GPATCH8: variants seen among roughly 807,000 people sequenced by gnomAD.
GPATCH8 encodes the protein G patch domain-containing protein 8.
A neutral mutation model predicts 118.3 loss-of-function variants in GPATCH8; 18 were observed. The ratio of observed to expected loss-of-function variants is 0.15; its 90% confidence interval spans 0.11 to 0.23. The LOEUF (loss-of-function observed/expected upper bound fraction) is 0.23. Ranked by LOEUF, GPATCH8 falls within the 10% of genes least tolerant of loss-of-function variation. The pLI, the probability that GPATCH8 is intolerant of heterozygous loss-of-function variation, is 1.00. For synonymous variants in GPATCH8, 659 were observed against 684.7 expected (o/e 0.96, Z 0.59); for missense variants, 1,631 against 1,873.8 (o/e 0.87, Z 2.39).
chr17:44,501,919 AAT>A (rs1012013635), intron 1 of GPATCH8, among the ~76,000 whole-genome samples: 3 of 151,738 alleles, frequency 2.0e-5, no homozygotes, highest in Admixed American at 6.6e-5. Flanking sequence ...AGTGCTTGCT[AAT>A]ATATATATAT....
In GPATCH8 at chr17:44,437,575, CAT is replaced by C. The variant is rs548251587; in HGVS notation, c.194-1032_194-1031del. Among the ~76,000 whole-genome samples the C allele has an allele frequency of 1.1e-3, 168 of 151,850 alleles. 1 individual carries two copies. The highest frequency in any genetic ancestry group is 3.4e-3 in the Middle Eastern group (1 of 294). On this transcript the variant is annotated intron_variant, in intron 3 of 7. Coordinates refer to ENST00000591680, the MANE Select transcript of GPATCH8 (RefSeq NM_001002909.4). ...TTGTTGTTGTTGTTATACACACACA[CAT>C]ATATATATACATATATTATACCTTT...
chr17:44,453,734 G>A (rs1411147591), intron 3 of GPATCH8, among the ~76,000 whole-genome samples: 2 of 152,012 alleles, frequency 1.3e-5, no homozygotes, highest in South Asian at 2.1e-4. Flanking sequence ...GTCTCACTAT[G>A]TTGCCCAGGC....
intron 1 of GPATCH8, among the ~76,000 whole-genome samples, chr17:44,476,539 T>A (rs770697909): frequency 1.1e-4 from 17 of 152,190 alleles, no homozygotes; most frequent in Admixed American, 2.6e-4. Flanking sequence ...TTGCATTAAA[T>A]CTTTAATAAT....
intron 2 of GPATCH8, among the ~76,000 whole-genome samples, chr17:44,468,373 CTTTTTTTTTTTTTT>C (rs869068538): frequency 5.0e-5 from 5 of 100,010 alleles, no homozygotes; most frequent in East Asian, 3.0e-4. Context: ...TTCTTTGTTC[CTTTTTTTTTTTTTT>C]TTTTTTTTTT....
chr17:44,419,368 T>G (rs1222037776), intron 6 of GPATCH8, among the ~76,000 whole-genome samples: 2 of 152,220 alleles, frequency 1.3e-5, no homozygotes, highest in African/African-American at 2.4e-5. Context: ...GGAAAAATGG[T>G]AGGTCCATTT....
intron 2 of GPATCH8, chr17:44,465,912 C>CTGTT (rs931037790): frequency 5.9e-5 from 9 of 152,162 alleles, no homozygotes; most frequent in African/African-American, 1.4e-4. Context: ...CCCGAATGCT[C>CTGTT]TGTTTGTTTG....
chr17:44,428,327 T>C (rs1037006246), intron 5 of GPATCH8, among the ~76,000 whole-genome samples: 4 of 151,672 alleles, frequency 2.6e-5, no homozygotes, highest in Non-Finnish European at 5.9e-5. Context: ...ACCCTGTCTC[T>C]ACTAAAAATA....
At chr17:44,437,972 T>C (rs1447253970) in intron 3 of GPATCH8, among the ~76,000 whole-genome samples, 2 of 147,928 alleles carry the variant, frequency 1.4e-5, no homozygotes, top group African/African-American at 5.1e-5. Flanking sequence ...AAACAACAAC[T>C]TCTAGAATAC....
Position 44,424,355 on chromosome 17 carries a change from G to A in GPATCH8, c.486C>T (p.His162=), listed in dbSNP as rs760139146. ...GCAAGTAACTACAACTCACCTGCTT[G>A]TGTGCATGATCATAGGAGTTGATAT... The part of the protein sequence containing the change: ...DNHINSYDHA[H]KQRLKDLKQR... Residue 162 remains histidine, a synonymous_variant, in exon 6 of 8, where the codon CAC becomes CAT. Coordinates refer to ENST00000591680, the MANE Select transcript of GPATCH8 (RefSeq NM_001002909.4). The A allele has an allele frequency of 1.9e-6, 3 of 1,595,642 alleles. No individual in the cohort carries two copies. In the African/African-American group the frequency reaches 4.0e-5, roughly 21 times the overall value.
chr17:44,482,596 A>C (rs921579672), intron 1 of GPATCH8, among the ~76,000 whole-genome samples: 10 of 151,400 alleles, frequency 6.6e-5, no homozygotes, highest in African/African-American at 2.4e-4. Context: ...AAAAAAACCA[A>C]ACCAAACCTA....
In GPATCH8 at chr17:44,436,542, C is replaced by T; in HGVS notation, c.197G>A (p.Arg66Lys). 6.9e-7 allele frequency: 1 copy of T among 1,450,644 alleles called. No homozygotes were observed. The highest frequency in any genetic ancestry group is 9.7e-7 in the Non-Finnish European group (1 of 1,030,616). 89.9% of individuals were successfully genotyped at this position (1,450,644 alleles called of 1,614,324 possible). A position where few individuals can be genotyped will look rare whatever the true frequency, so the allele number is the denominator to read the frequency against. Reference sequence around the variant, plus strand: ...GACAACGATTGGAATGGGATCTGTTCTCCCTGTAACAGGAACACATAATCA... The same window carrying T: ...GACAACGATTGGAATGGGATCTGTTTTCCCTGTAACAGGAACACATAATCA... The part of the protein sequence containing the change: ...GQGLGKSLQG[R>K]TDPIPIVVKY... The change falls in exon 4 of 8, where the codon AGA becomes AAA. Residue 66 changes from arginine (R) to lysine (K), a missense_variant. Coordinates refer to ENST00000591680, the MANE Select transcript of GPATCH8 (RefSeq NM_001002909.4).
chr17:44,487,110 A>G (rs111730900), intron 1 of GPATCH8, among the ~76,000 whole-genome samples: 46 of 152,330 alleles, frequency 3.0e-4, no homozygotes, highest in African/African-American at 9.9e-4. Flanking sequence ...AGTATCATAG[A>G]GAATAATTTC....
chr17:44,453,500 G>GTGT (rs1568011427), intron 3 of GPATCH8, among the ~76,000 whole-genome samples: 1 of 142,702 alleles, frequency 7.0e-6, no homozygotes, highest in Non-Finnish European at 1.5e-5. Context: ...GGTAGGTAGG[G>GTGT]GTGTGTGTGT....
chr17:44,445,987 CG>C (rs899252781), intron 3 of GPATCH8: 2 of 151,958 alleles, frequency 1.3e-5, no homozygotes, highest in Non-Finnish European at 2.9e-5. Context: ...CTAGGCAGGA[CG>C]GAATGCAGTG....
chr17:44,454,703 G>C (rs957145125), intron 3 of GPATCH8, among the ~76,000 whole-genome samples: 3 of 152,106 alleles, frequency 2.0e-5, no homozygotes, highest in Non-Finnish European at 4.4e-5. Flanking sequence ...GACTGCAGGG[G>C]TGAGCCACCA....
At chr17:44,471,649 ACT>A (rs1447861177) in intron 2 of GPATCH8, among the ~76,000 whole-genome samples, 2 of 152,192 alleles carry the variant, frequency 1.3e-5, no homozygotes, top group South Asian at 4.1e-4. Flanking sequence ...TTAATTCAGC[ACT>A]CTTTCTGTGT....
At chr17:44,464,412 T>C in intron 3 of GPATCH8, 60 bp downstream of exon 3, 1 of 975,108 alleles carries the variant, frequency 1.0e-6, no homozygotes, top group Non-Finnish European at 1.7e-6. Context: ...TACATTCAGG[T>C]ACAAGATCTG....
chr17:44,399,708 A>C lies in GPATCH8; in HGVS notation c.2369T>G (p.Leu790Arg), dbSNP rs755850484. The change falls in exon 8 of 8, where the codon CTT becomes CGT. Residue 790 changes from leucine (L) to arginine (R), a missense_variant. Leu to Arg is a moderately radical substitution (Grantham distance 102, BLOSUM62 -2). Around this residue, in one of 8 missense-constraint regions of GPATCH8, gnomAD observed 922 missense variants for 879.7 expected, o/e 1.05. Coordinates refer to ENST00000591680, the MANE Select transcript of GPATCH8 (RefSeq NM_001002909.4). ...DHGGRKHKGE[L>R]PPSSCQRRAG... ...TCTTCGCTGGCAGGATGAAGGTGGA[A>C]GTTCACCTTTGTGTTTCCTCCCACC... 1 of 1,614,050 alleles carries C rather than the reference A, an allele frequency of 6.2e-7. No homozygotes were observed. Among genetic ancestry groups the C allele is most frequent in the Non-Finnish European group, 8.5e-7 (1 of 1,179,972 alleles).
In GPATCH8 at chr17:44,479,908, A is replaced by C. The variant is rs1006997840; in HGVS notation, c.46-5005T>G. On this transcript the variant is annotated intron_variant, in intron 1 of 7. Coordinates refer to ENST00000591680, the MANE Select transcript of GPATCH8 (RefSeq NM_001002909.4). ...CTTGAACCCAGGAGGCAGAGGTTGC[A>C]GTGAGCCGAGACTGCGCCACTGCAC... Among the ~76,000 whole-genome samples the C allele has an allele frequency of 3.3e-5, 5 of 151,928 alleles. No individual in the cohort carries two copies. In the South Asian group the frequency reaches 1.0e-3, roughly 32 times the overall value.
Sources: allele counts gnomAD v4.1 joint callset (sites outside exome capture counted in the v4.1 genomes callset), GRCh38; gene constraint gnomAD v4.1.1; regional missense constraint gnomAD v4.1.1; transcripts MANE v1.5; gene names NCBI Gene and HGNC (gene_info 2026-07-23, HGNC 2026-07-21).